The following ABL2 variants were observed in gnomAD, a reference collection of about 807,000 sequenced individuals.
The protein encoded by ABL2 is tyrosine-protein kinase ABL2.
Under a neutral mutation model 107.7 loss-of-function variants are expected in ABL2, and 49 were observed. That is an observed-to-expected ratio of 0.45 (90% confidence interval 0.36 to 0.58). The LOEUF (loss-of-function observed/expected upper bound fraction) is 0.58, where lower values mean the gene tolerates loss of function less well. Among genes scored for constraint, ABL2 ranks in the 20% least tolerant of loss-of-function variants. The pLI is 0.00. For synonymous variants in ABL2, 549 were observed against 548.6 expected, an observed-to-expected ratio of 1.00 and a Z score of -0.01; for missense variants, 1,245 against 1,457.0, an observed-to-expected ratio of 0.85 and a Z score of 2.37.
intron 1 of ABL2, among the ~76,000 whole-genome samples, chr1:179,163,760 A>T (rs1557967012): frequency 6.6e-6 from 1 of 152,136 alleles, no homozygotes; most frequent in Non-Finnish European, 1.5e-5. Flanking sequence ...AAAACAAAAA[A>T]AGAAAAGAAA....
chr1:179,166,358 T>C (rs1659376726), intron 1 of ABL2, among the ~76,000 whole-genome samples: 1 of 131,230 alleles, frequency 7.6e-6, no homozygotes, highest in South Asian at 2.3e-4. Context: ...TATAAGGAAC[T>C]AATACTCAGA....
chr1:179,178,546 C>G (rs1660186588), intron 1 of ABL2, among the ~76,000 whole-genome samples: 1 of 151,848 alleles, frequency 6.6e-6, no homozygotes, highest in South Asian at 2.1e-4. Flanking sequence ...AAATTAGGAA[C>G]AGAGAGAATA....
rs765556821 is a variant in ABL2 at position 179,110,771 on chromosome 1, G to A, written c.1652-316C>T. On this transcript the variant is annotated intron_variant, in intron 10 of 11. Coordinates refer to ENST00000502732, the MANE Select transcript of ABL2 (RefSeq NM_007314.4). ...TCCAGTTTGGAGTTACTATGAATAC[G>A]TTGCTAGCATCATCCTGCTCTGTGT... The A allele has an allele frequency of 2.6e-5, 42 of 1,613,758 alleles. 2 individuals are homozygous for A. The Middle Eastern group carries it at 3.3e-3, about 126-fold the overall frequency.
chr1:179,213,168 T>C (rs911160051), intron 1 of ABL2, among the ~76,000 whole-genome samples: 3 of 152,002 alleles, frequency 2.0e-5, no homozygotes, highest in East Asian at 3.8e-4. Flanking sequence ...ATCTAAAATA[T>C]TATTTAAAAC....
At chr1:179,166,079 G>C (rs983969372) in intron 1 of ABL2, among the ~76,000 whole-genome samples, 4 of 152,144 alleles carry the variant, frequency 2.6e-5, no homozygotes, top group African/African-American at 9.6e-5. Context: ...TTACAGGCAT[G>C]AGCCACCACA....
intron 1 of ABL2, among the ~76,000 whole-genome samples, chr1:179,179,262 A>G (rs1003378298): frequency 7.2e-5 from 11 of 152,212 alleles, no homozygotes; most frequent in Non-Finnish European, 1.6e-4. Flanking sequence ...TCCCAATCCC[A>G]TAATAGGCAA....
chr1:179,228,692 A>G (rs141551972), intron 1 of ABL2, among the ~76,000 whole-genome samples: 126 of 152,302 alleles, frequency 8.3e-4, no homozygotes, highest in African/African-American at 2.6e-3. Context: ...GTCAAAAGTG[A>G]TAAGATGATG....
At chr1:179,150,364 T>C (rs750662376) in intron 1 of ABL2, among the ~76,000 whole-genome samples, 59 of 152,320 alleles carry the variant, frequency 3.9e-4, no homozygotes, top group Admixed American at 8.5e-4. Context: ...TCATCATTCA[T>C]GGGAAGAGGT....
rs191228100 is a variant in ABL2 at position 179,106,150 on chromosome 1, G to C, written c.*1568C>G. On this transcript the variant is annotated 3_prime_UTR_variant, in exon 12 of 12. Coordinates refer to ENST00000502732, the MANE Select transcript of ABL2 (RefSeq NM_007314.4). Reference sequence around the variant, plus strand: ...GTGTGTATTGAGCTCTCCTTGGGGAGGATGGGGGAAGTATTCATAAAGCTT... The same window carrying C: ...GTGTGTATTGAGCTCTCCTTGGGGACGATGGGGGAAGTATTCATAAAGCTT... 5.0e-5 allele frequency: 11 copies of C among 221,418 alleles called. No homozygotes were observed. The East Asian group carries it at 7.3e-4, about 15-fold the overall frequency. 13.7% of individuals were successfully genotyped at this position (221,418 alleles called of 1,614,324 possible).
intron 1 of ABL2, among the ~76,000 whole-genome samples, chr1:179,142,297 G>A (rs1220893962): frequency 6.6e-6 from 1 of 151,932 alleles, no homozygotes; most frequent in Non-Finnish European, 1.5e-5. Flanking sequence ...TTTTTCTATT[G>A]CTACAGTTGC....
chr1:179,138,466 C>CAAGG (rs1657248039), intron 1 of ABL2, among the ~76,000 whole-genome samples: 1 of 152,168 alleles, frequency 6.6e-6, no homozygotes, highest in East Asian at 1.9e-4. Flanking sequence ...ATACCACATG[C>CAAGG]AAGGCACTGT....
chr1:179,116,458 T>A (rs895123126), intron 8 of ABL2, among the ~76,000 whole-genome samples: 2 of 151,974 alleles, frequency 1.3e-5, no homozygotes, highest in Non-Finnish European at 2.9e-5. Flanking sequence ...ATAAGAGATC[T>A]AGACTGTGAG....
At chr1:179,152,044 C>T (rs995267067) in intron 1 of ABL2, among the ~76,000 whole-genome samples, 2 of 152,006 alleles carry the variant, frequency 1.3e-5, no homozygotes, top group African/African-American at 2.4e-5. Flanking sequence ...CAGAAAAAAA[C>T]AATATAAACA....
At chr1:179,135,482 C>A (rs1410076928) in intron 1 of ABL2, among the ~76,000 whole-genome samples, 2 of 147,070 alleles carry the variant, frequency 1.4e-5, no homozygotes, top group Non-Finnish European at 3.0e-5. Flanking sequence ...AAGTGAGGAG[C>A]CCCTCCGCCC....
chr1:179,184,544 C>A, intron 1 of ABL2: 2 of 576,750 alleles, frequency 3.5e-6, no homozygotes, highest in South Asian at 3.9e-5. Flanking sequence ...TGGTTACCGA[C>A]TGATATGGAT....
At chr1:179,195,240 A>G (rs976534093) in intron 1 of ABL2, among the ~76,000 whole-genome samples, 13 of 152,204 alleles carry the variant, frequency 8.5e-5, no homozygotes, top group Admixed American at 8.5e-4. Flanking sequence ...GTGAGCTGAG[A>G]TCGCACCACT....
intron 3 of ABL2, among the ~76,000 whole-genome samples, chr1:179,128,030 TAAA>T (rs11419750): frequency 1.6e-5 from 2 of 124,970 alleles, no homozygotes; most frequent in African/African-American, 3.1e-5. Flanking sequence ...GTGAGACTGC[TAAA>T]AAAAAAAAAA....
chr1:179,174,920 A>AAAAAAAAAAAATAAT (rs1659958398), intron 1 of ABL2, among the ~76,000 whole-genome samples: 1 of 122,874 alleles, frequency 8.1e-6, no homozygotes, highest in Non-Finnish European at 1.7e-5. Context: ...AAAATAAAAA[A>AAAAAAAAAAAATAAT]AATAATAATA....
intron 1 of ABL2, among the ~76,000 whole-genome samples, chr1:179,175,520 T>C (rs1659989651): frequency 6.6e-6 from 1 of 152,208 alleles, no homozygotes; most frequent in African/African-American, 2.4e-5. Context: ...TCTGAAGACT[T>C]AATTAGAATA....
Sources: allele counts gnomAD v4.1 joint callset (sites outside exome capture counted in the v4.1 genomes callset), GRCh38; gene constraint gnomAD v4.1.1; transcripts MANE v1.5; gene names NCBI Gene and HGNC (gene_info 2026-07-23, HGNC 2026-07-21).